The following PSG5 variants were observed in gnomAD, a reference collection of about 807,000 sequenced individuals.
PSG5 encodes the protein pregnancy specific beta-1-glycoprotein 5.
A neutral mutation model predicts 37.7 loss-of-function variants in PSG5; 53 were observed. That is an observed-to-expected ratio of 1.41 (90% CI 1.13 to 1.77). The LOEUF (loss-of-function observed/expected upper bound fraction) is 1.77, where lower values mean the gene tolerates loss of function less well. PSG5 is among the 40% of genes most tolerant of loss of function. The pLI is 0.00. For missense variants in PSG5, 547 were observed against 405.2 expected (o/e 1.35, Z -3.00); for synonymous variants, 221 against 155.4 (o/e 1.42, Z -3.14).
chr19:43,174,519 C>A (rs901366255), intron 4 of PSG5: 1 of 803,072 alleles, frequency 1.2e-6, no homozygotes, highest in East Asian at 1.3e-4. Context: ...CAACCTCATA[C>A]AACCGGTGAC....
chr19:43,177,019 C>T (rs771170144), intron 2 of PSG5, among the ~76,000 whole-genome samples: 3 of 151,690 alleles, frequency 2.0e-5, no homozygotes, highest in Non-Finnish European at 4.4e-5. Flanking sequence ...AAATCTGGTC[C>T]TCATGGACCA....
At chr19:43,181,153 A>G (rs1309001686) in intron 2 of PSG5, among the ~76,000 whole-genome samples, 14 of 151,672 alleles carry the variant, frequency 9.2e-5, no homozygotes, top group Non-Finnish European at 1.5e-4. Flanking sequence ...TGGCACAGGC[A>G]GTAAAACCAT....
At chr19:43,181,481 C>A (rs1969126815) in intron 2 of PSG5, among the ~76,000 whole-genome samples, 1 of 151,428 alleles carries the variant, frequency 6.6e-6, no homozygotes, top group South Asian at 2.1e-4. Context: ...TTTTCTGAGA[C>A]AGAGTCTCTC....
intron 2 of PSG5, among the ~76,000 whole-genome samples, chr19:43,177,568 C>T (rs186375767): frequency 6.6e-6 from 1 of 151,048 alleles, no homozygotes; most frequent in Non-Finnish European, 1.5e-5. Context: ...CAATTCCACA[C>T]TGGCCATTCT....
At chr19:43,176,962 T>G (rs1969024735) in intron 2 of PSG5, among the ~76,000 whole-genome samples, 1 of 151,704 alleles carries the variant, frequency 6.6e-6, no homozygotes, top group Non-Finnish European at 1.5e-5. Flanking sequence ...TGTGGATGTT[T>G]GCAAATGCAG....
chr19:43,182,839 G>T (rs1372734273), intron 2 of PSG5, among the ~76,000 whole-genome samples: 1 of 147,402 alleles, frequency 6.8e-6, no homozygotes, highest in Non-Finnish European at 1.5e-5. Flanking sequence ...GCCCTGGATG[G>T]GAATACAGTG....
chr19:43,181,380 A>T (rs1021738005), intron 2 of PSG5, among the ~76,000 whole-genome samples: 1 of 151,656 alleles, frequency 6.6e-6, no homozygotes, highest in Non-Finnish European at 1.5e-5. Flanking sequence ...GTTTCTATTG[A>T]CACATCCTCA....
Position 43,175,878 on chromosome 19 carries a change from T to C in PSG5, c.701A>G (p.Asn234Ser), listed in dbSNP as rs183149613. Residue 234 changes from asparagine to serine, a missense_variant, in exon 3 of 6, where the codon AAT becomes AGT. Coordinates refer to ENST00000342951, the MANE Select transcript of PSG5 (RefSeq NM_002781.4). ...GGMRSDPVTL[N>S]VLYGPDLPSI... ...GAACAAAAGATACTCACAGAGGACA[T>C]TCAGGGTGACTGGGTCACTGCGCAT... 11 of 1,612,502 alleles carry C rather than the reference T, an allele frequency of 6.8e-6. No homozygotes were observed. In the East Asian group the frequency reaches 1.8e-4, roughly 26 times the overall value.
At position 43,186,490 on chromosome 19, in the gene PSG5, C is replaced by T. The variant is rs746979069; in HGVS notation, c.-85G>A. ...GAGCACGGCTGTAGGCTGTGCTGTC[C>T]TTCCTCCTTCTGTGCTGAGCCTCTC... On this transcript the variant is annotated 5_prime_UTR_variant, in exon 1 of 6. Transcript: ENST00000342951. The T allele has an allele frequency of 3.1e-5, 49 of 1,581,646 alleles. 1 individual carries two copies. Among genetic ancestry groups the T allele is most frequent in the Admixed American group, 1.6e-4 (9 of 57,182 alleles).
chr19:43,178,708 G>A (rs551571403), intron 2 of PSG5, among the ~76,000 whole-genome samples: 1 of 151,700 alleles, frequency 6.6e-6, no homozygotes, highest in African/African-American at 2.4e-5. Context: ...TCCTATTGTG[G>A]ATCAAGCCTA....
rs777049194 is a variant in PSG5 at position 43,175,771 on chromosome 19, G to C, written c.709+99C>G. On this transcript the variant is annotated intron_variant, in intron 3 of 5. Transcript: ENST00000342951. ...CCAGCTCAGATGTCCAGAAATAAAG[G>C]TGTCTATACTTGGACCGGAGAAAGA... is the stretch of plus-strand genomic sequence containing the variant. The C allele has an allele frequency of 2.1e-5, 33 of 1,563,056 alleles. No individual in the cohort carries two copies. The South Asian group carries it at 3.9e-4, about 18-fold the overall frequency.
At chr19:43,183,243 T>C in intron 2 of PSG5, 1 of 337,596 alleles carries the variant, frequency 3.0e-6, no homozygotes, top group Non-Finnish European at 5.9e-6. Context: ...GCTTCAGAGT[T>C]GCATGAGGTG....
rs144391673 is a variant in PSG5 at position 43,168,283 on chromosome 19, G to C, written c.*41-80C>G. ...TTATGGTAAAGACACAGCTCACATA[G>C]AAATCCAGTTACTTCTGTGGCATAT... On this transcript the variant is annotated intron_variant, in intron 5 of 5. Transcript: ENST00000342951. 1.6e-3 allele frequency: 597 copies of C among 367,618 alleles called. 23 individuals are homozygous for C. The highest frequency in any genetic ancestry group is 0.012 in the African/African-American group (555 of 47,414). The allele number at this position is 367,618 out of a possible 1,614,324, so 22.8% of individuals were successfully genotyped here.
At chr19:43,176,273 A>G (rs1157651214) in intron 2 of PSG5, 125 bp from the exon 3 acceptor site, 9 of 1,471,270 alleles carry the variant, frequency 6.1e-6, no homozygotes, top group African/African-American at 1.4e-5. Context: ...CCAGTAGCTG[A>G]TGCATGTGTC....
chr19:43,182,908 G>A (rs1393261011), intron 2 of PSG5, among the ~76,000 whole-genome samples: 2 of 148,206 alleles, frequency 1.3e-5, no homozygotes, highest in African/African-American at 5.1e-5. Context: ...TGGCAGGAGT[G>A]GCAACTCCAG....
At chr19:43,178,829 T>C (rs765025955) in intron 2 of PSG5, 26 of 1,606,826 alleles carry the variant, frequency 1.6e-5, no homozygotes, top group Non-Finnish European at 1.8e-5. Flanking sequence ...CCTCTGGCCA[T>C]GTGTATTTGG....
At chr19:43,176,221 G>A (rs868473957) in intron 2 of PSG5, 73 bp from the exon 3 acceptor site, 31 of 1,575,252 alleles carry the variant, frequency 2.0e-5, no homozygotes, top group Non-Finnish European at 2.6e-5. Context: ...TTCAATCAGA[G>A]TTGGCATCTC....
intron 3 of PSG5, 139 bp downstream of exon 3, chr19:43,175,731 G>A: frequency 6.6e-7 from 1 of 1,505,994 alleles, no homozygotes; most frequent in Admixed American, 2.1e-5. Context: ...GTTTTCCAAG[G>A]GCAGGGAGTC....
intron 4 of PSG5, among the ~76,000 whole-genome samples, chr19:43,173,951 A>G (rs1599745994): frequency 6.6e-6 from 1 of 151,838 alleles, no homozygotes; most frequent in East Asian, 1.9e-4. Flanking sequence ...TAGCGAAAAA[A>G]TGGAAACAAC....
Sources: gnomAD v4.1 joint callset for allele counts (sites outside exome capture counted in the v4.1 genomes callset) on GRCh38, gnomAD v4.1.1 for gene constraint, MANE v1.5 for transcripts, NCBI Gene and HGNC (gene_info 2026-07-23, HGNC 2026-07-21) for gene names.